The following TNIP3 variants were observed in gnomAD, a reference collection of about 807,000 sequenced individuals.
The protein encoded by TNIP3 is TNFAIP3 interacting protein 3, also known as TNFAIP3-interacting protein 3.
Under a neutral mutation model 54.1 loss-of-function variants are expected in TNIP3, and 34 were observed. The observed-to-expected ratio is 0.63, with a 90% CI of 0.48 to 0.84. The LOEUF (loss-of-function observed/expected upper bound fraction) is 0.84, where lower values mean the gene tolerates loss of function less well. Ranked by LOEUF, TNIP3 falls within the 40% of genes least tolerant of loss-of-function variation. The probability of loss-of-function intolerance (pLI) is 0.00; values close to 1 mark genes in which losing one functional copy is unlikely to be tolerated. For synonymous variants in TNIP3, 134 were observed against 136.8 expected, an observed-to-expected ratio of 0.98 and a Z score of 0.14; for missense variants, 366 against 387.6, an observed-to-expected ratio of 0.94 and a Z score of 0.47.
Position 121,164,199 on chromosome 4 carries a change from G to A in TNIP3, c.-74C>T, listed in dbSNP as rs996238876. On this transcript the variant is annotated 5_prime_UTR_variant, in exon 1 of 11. Transcript: ENST00000057513. Reference sequence around the variant, plus strand: ...AAAAGTCTCTTAAGGTATATTTTAGGGTGAGAGCAAGTATACAAAATTTAA... The same window carrying A: ...AAAAGTCTCTTAAGGTATATTTTAGAGTGAGAGCAAGTATACAAAATTTAA... 52 of 1,606,430 alleles carry A rather than the reference G, an allele frequency of 3.2e-5. No individual in the cohort carries two copies. In the Admixed American group the frequency reaches 8.5e-4, roughly 26 times the overall value.
At chr4:121,213,867 ATGT>A (rs1726628589) in intron 2 of TNIP3, among the ~76,000 whole-genome samples, 1 of 152,244 alleles carries the variant, frequency 6.6e-6, no homozygotes, top group Non-Finnish European at 1.5e-5. Flanking sequence ...AGGATCATAC[ATGT>A]TGAGTGGGAC....
Position 121,138,699 on chromosome 4 carries a change from A to G in TNIP3, c.886-15T>C, listed in dbSNP as rs779946930. The G allele has an allele frequency of 6.2e-7, 1 of 1,611,368 alleles. No homozygotes were observed. The highest frequency in any genetic ancestry group is 1.1e-5 in the South Asian group (1 of 91,010). ...TGATAGTCTGGCTGTGTGGAACAAT[A>G]CAACATTATTATAGCAATATGGACT... On this transcript the variant is annotated splice_polypyrimidine_tract_variant and intron_variant, in intron 9 of 10. Transcript: ENST00000057513.
intron 2 of TNIP3, among the ~76,000 whole-genome samples, chr4:121,184,125 A>ATT (rs142233338): frequency 2.0e-5 from 3 of 151,082 alleles, no homozygotes; most frequent in African/African-American, 4.9e-5. Context: ...TAATTGTGTG[A>ATT]TTTTTTTTTC....
At position 121,132,553 on chromosome 4, in the gene TNIP3, G is replaced by T. The variant is rs944411971; in HGVS notation, c.*78C>A. Reference sequence around the variant, plus strand: ...TGATGTGCCTTTGTGGCAGAAACAAGCCTCAGTATAAACAAAGAAGAGGGT... The same window carrying T: ...TGATGTGCCTTTGTGGCAGAAACAATCCTCAGTATAAACAAAGAAGAGGGT... On this transcript the variant is annotated 3_prime_UTR_variant, in exon 11 of 11. Coordinates refer to ENST00000057513, the MANE Select transcript of TNIP3 (RefSeq NM_024873.6). 8 of 1,351,854 alleles carry T rather than the reference G, an allele frequency of 5.9e-6. No homozygotes were observed. The highest frequency in any genetic ancestry group is 8.4e-6 in the Non-Finnish European group (8 of 948,892). The allele number at this position is 1,351,854 out of a possible 1,614,324, so 83.7% of individuals were successfully genotyped here. A position where few individuals can be genotyped will look rare whatever the true frequency, so the allele number is the denominator to read the frequency against.
At chr4:121,216,695 A>G (rs1463983649), upstream of TNIP3, 6 of 1,309,896 alleles carry the variant, frequency 4.6e-6, no homozygotes, top group South Asian at 3.2e-5. Context: ...CCTAGTTTCA[A>G]TGAAAGGTAA....
chr4:121,137,017 TACA>T (rs1189184616), intron 10 of TNIP3, among the ~76,000 whole-genome samples: 7 of 152,196 alleles, frequency 4.6e-5, no homozygotes, highest in Non-Finnish European at 1.0e-4. Context: ...ATACACTGAC[TACA>T]ACATTTCATT....
intron 2 of TNIP3, among the ~76,000 whole-genome samples, chr4:121,197,214 C>G (rs1017535404): frequency 6.6e-6 from 1 of 152,062 alleles, no homozygotes; most frequent in African/African-American, 2.4e-5. Flanking sequence ...GATGTTCTTA[C>G]ATGAATGCTC....
chr4:121,157,039 C>T (rs930544940), intron 4 of TNIP3, 55 bp downstream of exon 4: 2 of 1,605,592 alleles, frequency 1.2e-6, no homozygotes, highest in Non-Finnish European at 8.5e-7. Context: ...GAAATCCCCC[C>T]GCCCCTTTGC....
At chr4:121,186,900 C>G (rs981321402) in intron 2 of TNIP3, among the ~76,000 whole-genome samples, 1 of 151,956 alleles carries the variant, frequency 6.6e-6, no homozygotes, top group Non-Finnish European at 1.5e-5. Flanking sequence ...TCTTAGGAAA[C>G]CTTTTAGATT....
At chr4:121,136,065 AT>A (rs1728763291) in intron 10 of TNIP3, among the ~76,000 whole-genome samples, 1 of 152,204 alleles carries the variant, frequency 6.6e-6, no homozygotes, top group Non-Finnish European at 1.5e-5. Flanking sequence ...CTGTGTTAGT[AT>A]GGAAAAGGAT....
intron 5 of TNIP3, among the ~76,000 whole-genome samples, chr4:121,152,531 C>T (rs1006194491): frequency 7.2e-5 from 11 of 152,106 alleles, no homozygotes; most frequent in Admixed American, 1.3e-4. Context: ...AATTGTCTAC[C>T]AAACATATTA....
At chr4:121,205,351 T>C (rs1343983377) in intron 2 of TNIP3, among the ~76,000 whole-genome samples, 1 of 152,074 alleles carries the variant, frequency 6.6e-6, no homozygotes, top group African/African-American at 2.4e-5. Context: ...AAGGAAAATA[T>C]GGCTGGAGTT....
chr4:121,141,790 A>C lies in TNIP3; in HGVS notation c.885+26T>G, dbSNP rs1036423333. On this transcript the variant is annotated intron_variant, in intron 9 of 10. Transcript: ENST00000057513. Reference sequence around the variant, plus strand: ...TTTCTACCAAAACAGTATACTAAGCACTTTTTCAAATGCACTCTTACTTAC... The same window carrying C: ...TTTCTACCAAAACAGTATACTAAGCCCTTTTTCAAATGCACTCTTACTTAC... The C allele has an allele frequency of 2.1e-6, 3 of 1,449,508 alleles. No homozygotes were observed. In the African/African-American group the frequency reaches 4.3e-5, roughly 21 times the overall value. The allele number at this position is 1,449,508 out of a possible 1,614,324, so 89.8% of individuals were successfully genotyped here.
At chr4:121,158,870 A>AT (rs1322491140) in intron 2 of TNIP3, 118 bp from the exon 3 acceptor site, 1 of 747,948 alleles carries the variant, frequency 1.3e-6, no homozygotes, top group Non-Finnish European at 2.2e-6. Context: ...TGAAGACAAT[A>AT]TTTTTTTCCA....
intron 7 of TNIP3, among the ~76,000 whole-genome samples, chr4:121,145,795 C>CTGAGACTG (rs1729392902): frequency 6.6e-6 from 1 of 151,564 alleles, no homozygotes; most frequent in Non-Finnish European, 1.5e-5. Flanking sequence ...GCAGAGACAA[C>CTGAGACTG]TTAAAAGAAA....
intron 3 of TNIP3, among the ~76,000 whole-genome samples, chr4:121,177,980 G>A (rs867476451): frequency 2.0e-5 from 3 of 152,158 alleles, no homozygotes; most frequent in East Asian, 3.9e-4. Flanking sequence ...GAATTTACCC[G>A]GGGGAGAGAA....
chr4:121,174,390 G>C (rs1173339258), intron 3 of TNIP3, among the ~76,000 whole-genome samples: 16 of 151,824 alleles, frequency 1.1e-4, no homozygotes, highest in Admixed American at 1.1e-3. Flanking sequence ...GAGTGACAGA[G>C]CGAGACCCTG....
At chr4:121,138,758 G>A (rs975626312) in intron 9 of TNIP3, 74 bp from the exon 10 acceptor site, 38 of 1,356,870 alleles carry the variant, frequency 2.8e-5, no homozygotes, top group Non-Finnish European at 3.5e-5. Flanking sequence ...ATACAATTAG[G>A]CTATGTGGCT....
chr4:121,160,993 G>A, intron 2 of TNIP3, 143 bp downstream of exon 2: 3 of 674,162 alleles, frequency 4.4e-6, no homozygotes, highest in Middle Eastern at 4.0e-4. Context: ...GAAGGCGTTT[G>A]CTTTCAAAAT....
Sources: allele counts gnomAD v4.1 joint callset (sites outside exome capture counted in the v4.1 genomes callset), GRCh38; gene constraint gnomAD v4.1.1; transcripts MANE v1.5; gene names NCBI Gene and HGNC (gene_info 2026-07-23, HGNC 2026-07-21).